HIVEP1: variants seen among roughly 807,000 people sequenced by gnomAD.
HIVEP1 encodes HIVEP zinc finger 1.
HIVEP1 carries 36 observed loss-of-function variants against 180.0 expected under a neutral mutation model. The observed-to-expected ratio is 0.20, with a 90% CI of 0.15 to 0.26. The LOEUF is 0.26. Among genes scored for constraint, HIVEP1 ranks in the 10% least tolerant of loss-of-function variants. The pLI is 1.00. For missense variants in HIVEP1, 3,143 were observed against 3,268.7 expected (o/e 0.96, Z 0.94); for synonymous variants, 1,239 against 1,239.0 (o/e 1.00, Z 0.00).
At chr6:12,117,414 C>T (rs1775285279) in intron 3 of HIVEP1, among the ~76,000 whole-genome samples, 1 of 152,088 alleles carries the variant, frequency 6.6e-6, no homozygotes, top group Non-Finnish European at 1.5e-5. Flanking sequence ...TTCTTAACTC[C>T]CAGTAGATTT....
At chr6:12,011,553 C>T (rs1399228648), upstream of HIVEP1, among the ~76,000 whole-genome samples, 1 of 150,250 alleles carries the variant, frequency 6.7e-6, no homozygotes, top group Admixed American at 6.6e-5. Context: ...TCCCGCCCCC[C>T]GCGTCCCTAA....
chr6:12,201,847 T>C, the HIVEP1 span, among the ~76,000 whole-genome samples: 1 of 152,188 alleles, frequency 6.6e-6, no homozygotes, highest in Non-Finnish European at 1.5e-5. Context: ...TTCTAACATG[T>C]CTTTTGAAAA....
chr6:12,091,304 A>G (rs1182713755), intron 3 of HIVEP1, among the ~76,000 whole-genome samples: 3 of 152,102 alleles, frequency 2.0e-5, no homozygotes, highest in East Asian at 1.9e-4. Context: ...TTTCTGACGT[A>G]CTTTGGGTTT....
intron 7 of HIVEP1, among the ~76,000 whole-genome samples, chr6:12,151,495 T>A (rs1759698700): frequency 6.6e-6 from 1 of 152,202 alleles, no homozygotes. Flanking sequence ...ATTGGCATAA[T>A]GACAGGGCTC....
the HIVEP1 span, among the ~76,000 whole-genome samples, chr6:12,194,961 T>C: frequency 6.6e-6 from 1 of 152,152 alleles, no homozygotes; most frequent in African/African-American, 2.4e-5. Flanking sequence ...AATATTAATA[T>C]AAAGAAAATC....
At chr6:12,146,599 G>A (rs116381542) in intron 7 of HIVEP1, among the ~76,000 whole-genome samples, 1,584 of 152,124 alleles carry the variant, frequency 0.01, 25 homozygotes, top group African/African-American at 0.036. Flanking sequence ...TGTGATAATG[G>A]CATTTGTTTA....
intron 3 of HIVEP1, among the ~76,000 whole-genome samples, chr6:12,107,790 C>G (rs145533792): frequency 4.6e-5 from 7 of 152,242 alleles, no homozygotes; most frequent in East Asian, 1.9e-4. Flanking sequence ...ACTGCTGGCT[C>G]GGGCAGCCTG....
At chr6:12,125,991 A>C (rs1581740810) in intron 4 of HIVEP1, 121 bp downstream of exon 4, 1 of 645,998 alleles carries the variant, frequency 1.5e-6, no homozygotes, top group Non-Finnish European at 2.6e-6. Context: ...TGTGCTGTAA[A>C]TGTCTTATTT....
Position 12,158,936 on chromosome 6 carries a change from C to T in HIVEP1, c.6488-2503C>T, listed in dbSNP as rs2113677818. Among the ~76,000 whole-genome samples the T allele has an allele frequency of 1.3e-5, 2 of 152,298 alleles. 1 individual carries two copies. The highest frequency in any genetic ancestry group is 4.1e-4 in the South Asian group (2 of 4,826). ...CAGCGGACACTTCTTACCCCACCCT[C>T]CTGTGAGCACCTGGGTGATGGTCAT... On this transcript the variant is annotated intron_variant, in intron 7 of 8. Transcript: ENST00000379388.
chr6:12,204,370 G>A, the HIVEP1 span, among the ~76,000 whole-genome samples: 15 of 152,052 alleles, frequency 9.9e-5, no homozygotes, highest in African/African-American at 1.7e-4. Flanking sequence ...TCCCTTCCCC[G>A]TCTATCCTCC....
chr6:12,077,821 G>T lies in HIVEP1; in HGVS notation c.41-11363G>T, dbSNP rs1772470522. Among the ~76,000 whole-genome samples the T allele has an allele frequency of 2.6e-5, 4 of 152,134 alleles. 1 individual carries two copies. The South Asian group carries it at 8.3e-4, about 32-fold the overall frequency. ...CCCTCTTCTTACTCAAGAGGGGGTTGGACAGTTATTTTCACTGTTTCTTTT... is the reference window on the plus strand; with the variant it reads ...CCCTCTTCTTACTCAAGAGGGGGTTTGACAGTTATTTTCACTGTTTCTTTT... On this transcript the variant is annotated intron_variant, in intron 2 of 8. Coordinates refer to ENST00000379388, the MANE Select transcript of HIVEP1 (RefSeq NM_002114.4).
chr6:12,183,271 T>C, the HIVEP1 span, among the ~76,000 whole-genome samples: 9 of 152,174 alleles, frequency 5.9e-5, no homozygotes, highest in African/African-American at 2.2e-4. Context: ...TTGTTTTTAC[T>C]GGTCTAACAT....
At chr6:12,146,786 T>A (rs1238990797) in intron 7 of HIVEP1, among the ~76,000 whole-genome samples, 1 of 152,104 alleles carries the variant, frequency 6.6e-6, no homozygotes, top group Admixed American at 6.5e-5. Context: ...TTTTTTTTTT[T>A]ATGTATCACT....
chr6:12,196,802 G>A, the HIVEP1 span, among the ~76,000 whole-genome samples: 3 of 152,042 alleles, frequency 2.0e-5, no homozygotes, highest in South Asian at 4.1e-4. Flanking sequence ...CAAGCTGCCC[G>A]GCATGTCACA....
At chr6:12,154,065 T>C (rs1759869402) in intron 7 of HIVEP1, among the ~76,000 whole-genome samples, 1 of 152,322 alleles carries the variant, frequency 6.6e-6, no homozygotes, top group South Asian at 2.1e-4. Context: ...AGAGAATCAG[T>C]TGAAGCTGGG....
At chr6:12,099,348 A>T (rs1053960255) in intron 3 of HIVEP1, among the ~76,000 whole-genome samples, 2 of 151,806 alleles carry the variant, frequency 1.3e-5, no homozygotes, top group African/African-American at 2.4e-5. Flanking sequence ...TTGTAGTTTT[A>T]GTAGAGACGG....
rs990166201 is a variant in HIVEP1 at position 12,063,015 on chromosome 6, G to GA, written c.41-26167dup. Reference sequence around the variant, plus strand: ...GTACTTTCATTCTTGTGCTAAATGTGAAGACTCCCCTGTTAGTAGTAGTTA... The same window carrying GA: ...GTACTTTCATTCTTGTGCTAAATGTGAAAGACTCCCCTGTTAGTAGTAGTTA... On this transcript the variant is annotated intron_variant, in intron 2 of 8. Transcript: ENST00000379388. The surrounding 1 kb of genome is among the most constrained non-coding windows in gnomAD (Gnocchi z 4.2). 5.9e-5 allele frequency among the ~76,000 whole-genome samples: 9 copies of GA among 152,122 alleles called. No homozygotes were observed. Among genetic ancestry groups the GA allele is most frequent in the African/African-American group, 2.2e-4 (9 of 41,416 alleles).
the HIVEP1 span, among the ~76,000 whole-genome samples, chr6:12,173,585 T>C: frequency 1.8e-4 from 28 of 152,208 alleles, no homozygotes; most frequent in African/African-American, 6.8e-4. Context: ...TTTTTCTTTG[T>C]CTGATTCTTA....
chr6:12,124,024 C>T lies in HIVEP1; in HGVS notation c.4229C>T (p.Pro1410Leu). 2 of 1,614,148 alleles carry T rather than the reference C, an allele frequency of 1.2e-6. No individual in the cohort carries two copies. The highest frequency in any genetic ancestry group is 1.7e-6 in the Non-Finnish European group (2 of 1,180,020). Reference protein sequence around the residue: ...PLTELQPPSSPSRVGVTGHVP... With the variant: ...PLTELQPPSSLSRVGVTGHVP... ...ACTGAATTGCAGCCTCCATCTTCAC[C>T]TTCTCGAGTGGGAGTGACTGGGCAT... The change falls in exon 4 of 9, where the codon CCT becomes CTT. Residue 1410 changes from proline (P) to leucine (L), a missense_variant. By Grantham distance (98) the Pro-to-Leu change is moderately conservative. Coordinates refer to ENST00000379388, the MANE Select transcript of HIVEP1 (RefSeq NM_002114.4).
Sources: allele counts gnomAD v4.1 joint callset (sites outside exome capture counted in the v4.1 genomes callset), GRCh38; gene constraint gnomAD v4.1.1; non-coding constraint Gnocchi (gnomAD v3.1); transcripts MANE v1.5; gene names NCBI Gene and HGNC (gene_info 2026-07-23, HGNC 2026-07-21).